Variants in SORCS2 observed in about 807,000 individuals in gnomAD.
SORCS2 encodes sortilin related VPS10 domain containing receptor 2, also known as VPS10 domain-containing receptor SorCS2.
A neutral mutation model predicts 141.6 loss-of-function variants in SORCS2; 100 were observed. The observed-to-expected ratio is 0.71, with a 90% CI of 0.60 to 0.83. The LOEUF (loss-of-function observed/expected upper bound fraction) is 0.83. Ranked by LOEUF, SORCS2 falls within the 40% of genes least tolerant of loss-of-function variation. The probability of loss-of-function intolerance (pLI) is 0.00; values close to 1 mark genes in which losing one functional copy is unlikely to be tolerated. For synonymous variants in SORCS2, 789 were observed against 676.9 expected, an observed-to-expected ratio of 1.17 and a Z score of -2.57; for missense variants, 1,646 against 1,560.2, an observed-to-expected ratio of 1.05 and a Z score of -0.93.
intron 3 of SORCS2, among the ~76,000 whole-genome samples, chr4:7,630,604 G>A (rs1319222809): frequency 2.0e-5 from 3 of 152,198 alleles, no homozygotes; most frequent in Admixed American, 6.5e-5. Flanking sequence ...GCTAGCCGCC[G>A]GAGTGTGTGC....
intron 26 of SORCS2, among the ~76,000 whole-genome samples, chr4:7,737,441 C>T (rs538207194): frequency 2.0e-4 from 30 of 152,240 alleles, no homozygotes; most frequent in South Asian, 2.1e-4. Context: ...CAAAAGCCCC[C>T]GACAGCCCCA....
At chr4:7,500,317 C>T (rs968198866) in intron 2 of SORCS2, among the ~76,000 whole-genome samples, 2 of 66,570 alleles carry the variant, frequency 3.0e-5, no homozygotes, top group Non-Finnish European at 5.6e-5. Flanking sequence ...GCCTTCCTTA[C>T]TCCAGGCATG....
chr4:7,637,011 C>A (rs1163556621), intron 3 of SORCS2, among the ~76,000 whole-genome samples: 2 of 152,102 alleles, frequency 1.3e-5, no homozygotes, highest in African/African-American at 2.4e-5. Flanking sequence ...TCTGCCTCTG[C>A]CTGTGTGTTG....
intron 2 of SORCS2, among the ~76,000 whole-genome samples, chr4:7,496,490 C>CCCCCATCTG (rs1234973764): frequency 7.3e-4 from 99 of 136,044 alleles, no homozygotes; most frequent in Non-Finnish European, 1.3e-3. Flanking sequence ...TCCCCCATCT[C>CCCCCATCTG]AGGGCAGTGA....
At chr4:7,723,196 T>G (rs998296192) in intron 18 of SORCS2, among the ~76,000 whole-genome samples, 12 of 152,230 alleles carry the variant, frequency 7.9e-5, no homozygotes, top group African/African-American at 2.9e-4. Flanking sequence ...CCGCATGGTC[T>G]GAGAAAGAGA....
chr4:7,228,254 G>T (rs986353956), intron 1 of SORCS2, among the ~76,000 whole-genome samples: 1 of 151,404 alleles, frequency 6.6e-6, no homozygotes, highest in Non-Finnish European at 1.5e-5. Flanking sequence ...AGTCACGTTG[G>T]GTCAGGGCCC....
chr4:7,575,022 A>G (rs1715656199), intron 3 of SORCS2, among the ~76,000 whole-genome samples: 1 of 152,198 alleles, frequency 6.6e-6, no homozygotes, highest in East Asian at 1.9e-4. Flanking sequence ...TCTTCAGAAT[A>G]TGAGAGGGTC....
chr4:7,525,668 C>G (rs555111328), intron 2 of SORCS2, among the ~76,000 whole-genome samples: 1 of 152,106 alleles, frequency 6.6e-6, no homozygotes, highest in African/African-American at 2.4e-5. Flanking sequence ...TCCTCAGTCA[C>G]CTGTCCCCAA....
rs151146826 is a variant in SORCS2, at chr4:7,571,855, G to A, written c.648+40226G>A. Among the ~76,000 whole-genome samples the A allele has an allele frequency of 2.3e-4, 35 of 152,316 alleles. No homozygotes were observed. In the East Asian group the frequency reaches 5.0e-3, roughly 22 times the overall value. On this transcript the variant is annotated intron_variant, in intron 3 of 26. Transcript: ENST00000507866. ...CACATCCCAGTAACAAGTCCAGCTC[G>A]TTAGCTTCCTGGGACTTGTCGACCC...
intron 2 of SORCS2, among the ~76,000 whole-genome samples, chr4:7,435,867 G>A (rs1012038625): frequency 3.3e-5 from 5 of 152,244 alleles, no homozygotes; most frequent in Admixed American, 6.5e-5. Flanking sequence ...CATGGAGTGG[G>A]CAGGCCAGAG....
chr4:7,676,326 T>A, intron 9 of SORCS2, 97 bp downstream of exon 9: 2 of 1,333,890 alleles, frequency 1.5e-6, no homozygotes, highest in Non-Finnish European at 2.0e-6. Flanking sequence ...CCCGCCTGTC[T>A]ATATAGCTGT....
chr4:7,223,292 T>TGCGC (rs149519970), intron 1 of SORCS2, among the ~76,000 whole-genome samples: 7 of 85,334 alleles, frequency 8.2e-5, no homozygotes, highest in African/African-American at 2.8e-4. Flanking sequence ...TTAGTGTATA[T>TGCGC]GCGCACACAC....
chr4:7,286,516 C>A lies in SORCS2; in HGVS notation c.480+93390C>A, dbSNP rs1220724328. ...CTGAGGTTTCCAAGACAAAGGGTGG[C>A]AGGCTGGCTGGGCCTGGCACTGGAG... is the stretch of plus-strand genomic sequence containing the variant. On this transcript the variant is annotated intron_variant, in intron 1 of 26. Coordinates refer to ENST00000507866, the MANE Select transcript of SORCS2 (RefSeq NM_020777.3). This position sits in a 1 kb window ranked among gnomAD's most constrained non-coding sequence, Gnocchi z 4.1. 4.6e-5 allele frequency among the ~76,000 whole-genome samples: 7 copies of A among 152,168 alleles called. No homozygotes were observed. Among genetic ancestry groups the A allele is most frequent in the Non-Finnish European group, 4.4e-5 (3 of 68,028 alleles).
intron 3 of SORCS2, among the ~76,000 whole-genome samples, chr4:7,538,780 G>T (rs915809919): frequency 6.6e-6 from 1 of 152,154 alleles, no homozygotes; most frequent in African/African-American, 2.4e-5. Context: ...CCGCTCACTC[G>T]CCCGTGTCTT....
At chr4:7,237,282 C>T (rs1050696095) in intron 1 of SORCS2, among the ~76,000 whole-genome samples, 27 of 152,224 alleles carry the variant, frequency 1.8e-4, no homozygotes, top group African/African-American at 6.5e-4. Flanking sequence ...CAAAGGGATT[C>T]CTGCTGAAAA....
chr4:7,427,840 A>G (rs1008989987), intron 2 of SORCS2, among the ~76,000 whole-genome samples: 2 of 150,474 alleles, frequency 1.3e-5, no homozygotes, highest in Non-Finnish European at 3.0e-5. Context: ...ATCCCACACC[A>G]CCGCCCCCCC....
chr4:7,629,417 G>A (rs1043258611), intron 3 of SORCS2, among the ~76,000 whole-genome samples: 1 of 152,136 alleles, frequency 6.6e-6, no homozygotes, highest in Non-Finnish European at 1.5e-5. Flanking sequence ...TGTGAAACAA[G>A]TCAGAGAGGC....
At chr4:7,638,035 A>G (rs1720383388) in intron 3 of SORCS2, among the ~76,000 whole-genome samples, 1 of 152,086 alleles carries the variant, frequency 6.6e-6, no homozygotes, top group Admixed American at 6.5e-5. Context: ...TGGACCTGCC[A>G]TTTCTGGACA....
intron 16 of SORCS2, 76 bp from the exon 17 acceptor site, chr4:7,715,107 A>T: frequency 2.5e-6 from 4 of 1,584,486 alleles, no homozygotes; most frequent in Non-Finnish European, 3.4e-6. Flanking sequence ...CAGCTCCCCC[A>T]GATTTCACCC....
Sources: gnomAD v4.1 joint callset for allele counts (sites outside exome capture counted in the v4.1 genomes callset) on GRCh38, gnomAD v4.1.1 for gene constraint, Gnocchi (gnomAD v3.1) non-coding constraint, MANE v1.5 for transcripts, NCBI Gene and HGNC (gene_info 2026-07-23, HGNC 2026-07-21) for gene names.